Variants in RSRC1 observed in about 807,000 individuals in gnomAD.
The protein encoded by RSRC1 is arginine and serine rich coiled-coil 1, also known as serine/Arginine-related protein 53.
A neutral mutation model predicts 49.1 loss-of-function variants in RSRC1; 39 were observed. The observed-to-expected ratio is 0.79, with a 90% CI of 0.61 to 1.04. The LOEUF (loss-of-function observed/expected upper bound fraction) is 1.04. Among genes scored for constraint, RSRC1 ranks in the 50% least tolerant of loss-of-function variants. The pLI is 0.00. For missense variants in RSRC1, 388 were observed against 402.4 expected, an observed-to-expected ratio of 0.96 and a Z score of 0.31; for synonymous variants, 143 against 130.8, an observed-to-expected ratio of 1.09 and a Z score of -0.63.
rs1194818379 is a variant in RSRC1, at chr3:158,469,501, G to GA, written c.652+8501dup. The stretch of plus-strand genomic sequence containing the variant: ...TACTTCACCATAGTCTTTGCAAAAT[G>GA]AAACAGTATAGCAGAGATCAAATAG... On this transcript the variant is annotated intron_variant, in intron 7 of 9. Transcript: ENST00000611884. 1.9e-5 allele frequency: 6 copies of GA among 309,224 alleles called. No individual in the cohort carries two copies. The East Asian group carries it at 5.5e-4, about 28-fold the overall frequency. The allele number at this position is 309,224 out of a possible 1,614,324, so 19.2% of individuals were successfully genotyped here.
At chr3:158,308,348 G>A (rs531668551) in intron 5 of RSRC1, among the ~76,000 whole-genome samples, 72 of 152,008 alleles carry the variant, frequency 4.7e-4, no homozygotes, top group Non-Finnish European at 7.8e-4. Flanking sequence ...TGAAACTACA[G>A]GTTAATCTGC....
chr3:158,150,001 ATC>A (rs969432261), intron 3 of RSRC1, among the ~76,000 whole-genome samples: 19 of 152,152 alleles, frequency 1.2e-4, no homozygotes, highest in African/African-American at 4.3e-4. Context: ...AATATTCTAC[ATC>A]TCTGTTAACA....
At chr3:158,532,236 A>G (rs1478212883) in intron 7 of RSRC1, among the ~76,000 whole-genome samples, 2 of 151,884 alleles carry the variant, frequency 1.3e-5, no homozygotes, top group Non-Finnish European at 2.9e-5. Context: ...ATAAAATATT[A>G]GTATTTAAAA....
At chr3:158,447,833 C>G (rs563201367) in intron 6 of RSRC1, among the ~76,000 whole-genome samples, 1 of 151,654 alleles carries the variant, frequency 6.6e-6, no homozygotes, top group African/African-American at 2.4e-5. Context: ...ATGACTTTTT[C>G]GATATCAGAA....
chr3:158,309,015 T>G (rs571838620), intron 5 of RSRC1, among the ~76,000 whole-genome samples: 2 of 152,076 alleles, frequency 1.3e-5, no homozygotes, highest in East Asian at 3.9e-4. Flanking sequence ...GTCCCCATCA[T>G]TATTCAGGGT....
chr3:158,195,133 G>A (rs576668438), intron 3 of RSRC1, among the ~76,000 whole-genome samples: 16 of 152,162 alleles, frequency 1.1e-4, no homozygotes, highest in African/African-American at 3.1e-4. Flanking sequence ...AAGTGTTGCT[G>A]TTTCTCCACA....
At position 158,543,431 on chromosome 3, in the gene RSRC1, A is replaced by C. The variant is rs1347187182; in HGVS notation, c.856A>C (p.Thr286Pro). ...PPSTEKEIDP[T>P]SIPTAIKYQD... ...CAGTACTGAAAAAGAAATAGATCCT[A>C]CCAGCATCCCTACTGCTATCAAGTA... The change falls in exon 9 of 10, where the codon ACC becomes CCC. Residue 286 changes from threonine to proline, a missense_variant. Transcript: ENST00000611884. 6.2e-7 allele frequency: 1 copy of C among 1,612,174 alleles called. No individual in the cohort carries two copies. Among genetic ancestry groups the C allele is most frequent in the Admixed American group, 1.7e-5 (1 of 59,742 alleles).
intron 6 of RSRC1, among the ~76,000 whole-genome samples, chr3:158,412,860 T>C (rs1270671786): frequency 6.6e-6 from 1 of 151,730 alleles, no homozygotes; most frequent in Non-Finnish European, 1.5e-5. Context: ...GTTTGTTTGC[T>C]CTATATCATG....
At chr3:158,126,423 C>A (rs1311557214) in intron 3 of RSRC1, among the ~76,000 whole-genome samples, 5 of 152,052 alleles carry the variant, frequency 3.3e-5, no homozygotes, top group Admixed American at 3.3e-4. Flanking sequence ...TTACACAAAA[C>A]ATTGTCTTTT....
chr3:158,301,707 G>A (rs1727558287), intron 5 of RSRC1, among the ~76,000 whole-genome samples: 1 of 152,162 alleles, frequency 6.6e-6, no homozygotes, highest in African/African-American at 2.4e-5. Context: ...TTTCTCCAAT[G>A]AATATAGTTA....
At chr3:158,319,604 C>A (rs1728648431) in intron 5 of RSRC1, among the ~76,000 whole-genome samples, 1 of 152,112 alleles carries the variant, frequency 6.6e-6, no homozygotes, top group African/African-American at 2.4e-5. Flanking sequence ...ATTGAGTGGA[C>A]TAAATGTGGA....
intron 7 of RSRC1, among the ~76,000 whole-genome samples, chr3:158,501,605 C>G (rs1739601910): frequency 6.6e-6 from 1 of 151,872 alleles, no homozygotes; most frequent in African/African-American, 2.4e-5. Context: ...ATATAATGTC[C>G]CTCTTCGTCT....
chr3:158,418,788 T>C (rs1734884422), intron 6 of RSRC1, among the ~76,000 whole-genome samples: 1 of 151,998 alleles, frequency 6.6e-6, no homozygotes, highest in Admixed American at 6.6e-5. Context: ...AATTACTCGC[T>C]GTAGTGCTAG....
chr3:158,509,539 TTAAG>T (rs1273221696), intron 7 of RSRC1, among the ~76,000 whole-genome samples: 1 of 152,148 alleles, frequency 6.6e-6, no homozygotes, highest in African/African-American at 2.4e-5. Flanking sequence ...TTTTACAAAT[TTAAG>T]TAAGCTGAGG....
At chr3:158,164,339 A>C (rs920595938) in intron 3 of RSRC1, among the ~76,000 whole-genome samples, 1 of 152,014 alleles carries the variant, frequency 6.6e-6, no homozygotes, top group Non-Finnish European at 1.5e-5. Context: ...TTTTTAAAAC[A>C]AGATTTTACT....
intron 4 of RSRC1, among the ~76,000 whole-genome samples, chr3:158,293,082 A>G (rs1727029871): frequency 6.6e-6 from 1 of 152,128 alleles, no homozygotes; most frequent in Admixed American, 6.6e-5. Flanking sequence ...GTAAAAGTAA[A>G]GAAAACTGAT....
chr3:158,182,868 A>G (rs554992028), intron 3 of RSRC1, among the ~76,000 whole-genome samples: 145 of 151,986 alleles, frequency 9.5e-4, no homozygotes, highest in Non-Finnish European at 1.8e-3. Flanking sequence ...ATTACTTGGG[A>G]CCTTTATGAA....
At chr3:158,221,803 CTG>C (rs943438813) in intron 4 of RSRC1, among the ~76,000 whole-genome samples, 1 of 151,364 alleles carries the variant, frequency 6.6e-6, no homozygotes, top group Admixed American at 6.6e-5. Context: ...ATTCTGAGGA[CTG>C]TGTTTGCCAG....
chr3:158,516,371 G>T (rs1306999344), intron 7 of RSRC1, among the ~76,000 whole-genome samples: 2 of 151,782 alleles, frequency 1.3e-5, no homozygotes, highest in Non-Finnish European at 2.9e-5. Flanking sequence ...AGGTGTCAGT[G>T]TGCCCCTGCT....
Sources: allele counts gnomAD v4.1 joint callset (sites outside exome capture counted in the v4.1 genomes callset), GRCh38; gene constraint gnomAD v4.1.1; transcripts MANE v1.5; gene names NCBI Gene and HGNC (gene_info 2026-07-23, HGNC 2026-07-21).